NAALADL2: variants seen among roughly 807,000 people sequenced by gnomAD.
The protein encoded by NAALADL2 is inactive N-acetylated-alpha-linked acidic dipeptidase-like protein 2.
NAALADL2 carries 76 observed loss-of-function variants against 87.2 expected under a neutral mutation model. The ratio of observed to expected loss-of-function variants is 0.87; its 90% confidence interval spans 0.72 to 1.05. NAALADL2 has a LOEUF of 1.05. Ranked by LOEUF, NAALADL2 falls within the 50% of genes least tolerant of loss-of-function variation. NAALADL2 has a pLI of 0.00. For missense variants in NAALADL2, 1,089 were observed against 945.8 expected, an observed-to-expected ratio of 1.15 and a Z score of -1.99; for synonymous variants, 354 against 331.0, an observed-to-expected ratio of 1.07 and a Z score of -0.75.
intron 5 of NAALADL2, among the ~76,000 whole-genome samples, chr3:175,373,990 T>C (rs910746791): frequency 5.3e-5 from 8 of 152,198 alleles, no homozygotes; most frequent in Non-Finnish European, 8.8e-5. Context: ...TCTCTGTATA[T>C]ATGTGTACAT....
At chr3:174,787,576 C>CATATATATATATATATATACAT (rs1716825658) in intron 3 of NAALADL2, among the ~76,000 whole-genome samples, 1 of 14,726 alleles carries the variant, frequency 6.8e-5, no homozygotes, top group African/African-American at 1.8e-4. Context: ...AATATATCAT[C>CATATATATATATATATATACAT]ATATATATAT....
intron 2 of NAALADL2, among the ~76,000 whole-genome samples, chr3:175,105,826 A>G (rs547583392): frequency 3.3e-5 from 5 of 152,094 alleles, no homozygotes; most frequent in East Asian, 3.9e-4. Flanking sequence ...TAGTCACTCT[A>G]TAGTTTTTAA....
intron 2 of NAALADL2, among the ~76,000 whole-genome samples, chr3:174,628,474 CAAAAAAAAAAAAA>C (rs5854584): frequency 1.5e-4 from 13 of 86,600 alleles, no homozygotes; most frequent in Non-Finnish European, 2.6e-4. Flanking sequence ...GAGACTGTCT[CAAAAAAAAAAAAA>C]AAAAAAAAAA....
intron 11 of NAALADL2, among the ~76,000 whole-genome samples, chr3:175,716,186 ATATG>A (rs1371629327): frequency 1.4e-5 from 2 of 146,900 alleles, no homozygotes; most frequent in African/African-American, 2.5e-5. Context: ...CATATATAAT[ATATG>A]TATATAATAT....
At chr3:175,657,255 T>C (rs1731598621) in intron 11 of NAALADL2, among the ~76,000 whole-genome samples, 1 of 152,112 alleles carries the variant, frequency 6.6e-6, no homozygotes, top group Non-Finnish European at 1.5e-5. Flanking sequence ...AATATAACTA[T>C]TTAAGTGAAT....
At chr3:175,703,219 CT>C (rs1047199674) in intron 11 of NAALADL2, among the ~76,000 whole-genome samples, 2 of 151,974 alleles carry the variant, frequency 1.3e-5, no homozygotes, top group Non-Finnish European at 2.9e-5. Context: ...ACAGATTTTT[CT>C]TTTTTAAGTA....
chr3:174,536,549 A>G (rs1721742805), intron 1 of NAALADL2: 1 of 152,150 alleles, frequency 6.6e-6, no homozygotes, highest in Non-Finnish European at 1.5e-5. Flanking sequence ...AAAAGTCACA[A>G]TTGATTTCAC....
At position 175,737,301 on chromosome 3, in the gene NAALADL2, T is replaced by C. The variant is rs775272316; in HGVS notation, c.1897-5T>C. ...TAGTATTTTCTTTTTCCTTTTTTCT[T>C]TCAGCTCTCAGGAGAAGTGATTTTG... is the stretch of plus-strand genomic sequence containing the variant. On this transcript the variant is annotated splice_region_variant and splice_polypyrimidine_tract_variant and intron_variant, in intron 11 of 13. Coordinates refer to ENST00000454872, the MANE Select transcript of NAALADL2 (RefSeq NM_207015.3). 3 of 1,578,942 alleles carry C rather than the reference T, an allele frequency of 1.9e-6. No homozygotes were observed. The highest frequency in any genetic ancestry group is 2.6e-6 in the Non-Finnish European group (3 of 1,148,920).
Position 175,180,240 on chromosome 3 carries a change from AAGTC to A in NAALADL2, c.546-53688_546-53685del, listed in dbSNP as rs769783489. 3.4e-4 allele frequency among the ~76,000 whole-genome samples: 52 copies of A among 152,112 alleles called. 1 individual carries two copies. In the East Asian group the frequency reaches 9.3e-3, roughly 27 times the overall value. On this transcript the variant is annotated intron_variant, in intron 2 of 13. Transcript: ENST00000454872. ...AAAATTTAAATTTATTTAAATAAAA[AAGTC>A]AGAACAAAAATTATATCAATTGTCC...
intron 2 of NAALADL2, among the ~76,000 whole-genome samples, chr3:175,197,822 G>T (rs568754736): frequency 6.6e-6 from 1 of 151,980 alleles, no homozygotes; most frequent in Non-Finnish European, 1.5e-5. Flanking sequence ...GAGAGTAAAG[G>T]CAGGAAGCCA....
At chr3:175,127,848 GT>G (rs1370974296) in intron 2 of NAALADL2, among the ~76,000 whole-genome samples, 3 of 151,954 alleles carry the variant, frequency 2.0e-5, no homozygotes, top group Non-Finnish European at 4.4e-5. Context: ...GCAAGACCCT[GT>G]CTCTACATAA....
intron 1 of NAALADL2, among the ~76,000 whole-genome samples, chr3:174,873,113 T>C (rs1728046207): frequency 6.6e-6 from 1 of 152,182 alleles, no homozygotes; most frequent in East Asian, 1.9e-4. Context: ...AATTCCCTAA[T>C]AGTGGCTCTA....
chr3:175,183,948 G>C (rs937014456), intron 2 of NAALADL2, among the ~76,000 whole-genome samples: 2 of 151,570 alleles, frequency 1.3e-5, no homozygotes, highest in Non-Finnish European at 2.9e-5. Context: ...TTTGGTCACT[G>C]TGCGGCCACC....
chr3:174,556,240 G>C (rs1306247687), intron 2 of NAALADL2, among the ~76,000 whole-genome samples: 1 of 151,986 alleles, frequency 6.6e-6, no homozygotes, highest in African/African-American at 2.4e-5. Flanking sequence ...GATGGGAAGT[G>C]GAATGATTTG....
chr3:175,476,492 G>A (rs1480674903), intron 9 of NAALADL2, among the ~76,000 whole-genome samples: 1 of 152,110 alleles, frequency 6.6e-6, no homozygotes, highest in Non-Finnish European at 1.5e-5. Flanking sequence ...TATGACAGTG[G>A]CAAAAAACTG....
At chr3:174,893,446 TAGAA>T (rs1167228481) in intron 1 of NAALADL2, among the ~76,000 whole-genome samples, 4 of 152,108 alleles carry the variant, frequency 2.6e-5, no homozygotes, top group African/African-American at 4.8e-5. Flanking sequence ...TAATTCTAAG[TAGAA>T]AGACTAAATG....
chr3:174,459,899 A>C (rs2108289527), intron 1 of NAALADL2: 1 of 152,318 alleles, frequency 6.6e-6, no homozygotes, highest in Admixed American at 6.5e-5. Context: ...GTTAATAGGA[A>C]ACATTAGCTG....
chr3:175,008,765 G>T (rs1457530560), intron 1 of NAALADL2, among the ~76,000 whole-genome samples: 1 of 122,532 alleles, frequency 8.2e-6, no homozygotes, highest in Admixed American at 8.0e-5. Flanking sequence ...GGGTTTGGAG[G>T]TAATCAACCT....
At chr3:174,832,226 G>A (rs1722803828) in intron 3 of NAALADL2, among the ~76,000 whole-genome samples, 2 of 151,914 alleles carry the variant, frequency 1.3e-5, no homozygotes, top group Admixed American at 1.3e-4. Flanking sequence ...GATCTTTCCT[G>A]CTTTCTCTTA....
Sources: gnomAD v4.1 joint callset for allele counts (sites outside exome capture counted in the v4.1 genomes callset) on GRCh38, gnomAD v4.1.1 for gene constraint, MANE v1.5 for transcripts, NCBI Gene and HGNC (gene_info 2026-07-23, HGNC 2026-07-21) for gene names.